The following GON4L variants were observed in gnomAD, a reference collection of about 807,000 sequenced individuals.
GON4L encodes the protein GON-4-like protein.
A neutral mutation model predicts 211.8 loss-of-function variants in GON4L; 87 were observed. That is an observed-to-expected ratio of 0.41 (90% CI 0.35 to 0.49). The LOEUF is 0.49. Ranked by LOEUF, GON4L falls within the 20% of genes least tolerant of loss-of-function variation. GON4L has a pLI of 0.15. For synonymous variants in GON4L, 875 were observed against 962.6 expected, an observed-to-expected ratio of 0.91 and a Z score of 1.68; for missense variants, 2,155 against 2,659.5, an observed-to-expected ratio of 0.81 and a Z score of 4.17.
intron 19 of GON4L, among the ~76,000 whole-genome samples, chr1:155,770,293 G>A (rs1663059982): frequency 6.6e-6 from 1 of 152,170 alleles, no homozygotes; most frequent in Admixed American, 6.5e-5. Flanking sequence ...GGGAGGCCAA[G>A]CTGAGGCAGG....
At chr1:155,809,060 G>A (rs7523409) in intron 10 of GON4L, among the ~76,000 whole-genome samples, 3,904 of 152,024 alleles carry the variant, frequency 0.026, 169 homozygotes, top group African/African-American at 0.087. Context: ...ATACAGGCAT[G>A]CGCCACCACA....
chr1:155,806,817 C>T (rs1022855970), intron 10 of GON4L, among the ~76,000 whole-genome samples: 6 of 151,962 alleles, frequency 3.9e-5, no homozygotes, highest in Non-Finnish European at 7.4e-5. Context: ...AGTATAATAC[C>T]GCTGGCTGAA....
intron 11 of GON4L, among the ~76,000 whole-genome samples, chr1:155,803,972 T>C (rs1001697679): frequency 1.3e-5 from 2 of 152,230 alleles, no homozygotes; most frequent in African/African-American, 4.8e-5. Flanking sequence ...TCCCAAAGTC[T>C]GGTTTCATTT....
chr1:155,781,043 A>G (rs1664366188), intron 14 of GON4L, among the ~76,000 whole-genome samples: 1 of 152,210 alleles, frequency 6.6e-6, no homozygotes, highest in African/African-American at 2.4e-5. Flanking sequence ...GATCACCTGC[A>G]CTACTACCAC....
At chr1:155,772,590 CAA>C (rs796482955) in intron 18 of GON4L, among the ~76,000 whole-genome samples, 10 of 69,780 alleles carry the variant, frequency 1.4e-4, no homozygotes, top group African/African-American at 2.1e-4. Context: ...CTCATCTCTA[CAA>C]AAAAAAAAAA....
chr1:155,773,600 C>A (rs1663445415), intron 17 of GON4L, among the ~76,000 whole-genome samples: 1 of 152,158 alleles, frequency 6.6e-6, no homozygotes, highest in African/African-American at 2.4e-5. Flanking sequence ...GAATAAGATT[C>A]CAACTTCTTT....
At chr1:155,810,245 G>A (rs1192810307) in intron 10 of GON4L, among the ~76,000 whole-genome samples, 1 of 151,032 alleles carries the variant, frequency 6.6e-6, no homozygotes, top group East Asian at 1.9e-4. Flanking sequence ...CCACCCGCCT[G>A]GGCCTCTCAA....
At chr1:155,769,301 A>T (rs931786436) in intron 19 of GON4L, among the ~76,000 whole-genome samples, 14 of 152,148 alleles carry the variant, frequency 9.2e-5, no homozygotes, top group Admixed American at 5.2e-4. Context: ...TTAGAAAAAA[A>T]TTAAAATAAA....
intron 2 of GON4L, among the ~76,000 whole-genome samples, chr1:155,852,687 G>A (rs1272151038): frequency 6.6e-6 from 1 of 152,196 alleles, no homozygotes; most frequent in Non-Finnish European, 1.5e-5. Context: ...AGCTTGCAGT[G>A]AGCCGAGACC....
At chr1:155,857,452 A>G (rs1286227964), upstream of GON4L, among the ~76,000 whole-genome samples, 1 of 152,258 alleles carries the variant, frequency 6.6e-6, no homozygotes. Flanking sequence ...TTTGGGGGCC[A>G]GGCGCGGTGG....
At position 155,765,619 on chromosome 1, in the gene GON4L, T is replaced by C. The variant is rs1662374474; in HGVS notation, c.3854A>G (p.Asn1285Ser). Residue 1285 changes from asparagine (N) to serine (S), a missense_variant, in exon 21 of 32, where the codon AAT (asparagine) becomes AGT (serine). This residue lies in a region of GON4L where 615 missense variants were observed against 625.7 expected (regional missense o/e 0.98). Transcript: ENST00000368331. ...DAECQEGLSE[N>S]SACRWTVVKT... ...CACAACGGTCCAGCGACAGGCACTA[T>C]TCTCTGACAATCCTTCTTGGCACTC... is the stretch of plus-strand genomic sequence containing the variant. 4 of 1,614,178 alleles carry C rather than the reference T, an allele frequency of 2.5e-6. No individual in the cohort carries two copies. The highest frequency in any genetic ancestry group is 3.4e-6 in the Non-Finnish European group (4 of 1,180,024).
chr1:155,777,897 G>T, intron 14 of GON4L, 77 bp from the exon 15 acceptor site: 2 of 868,900 alleles, frequency 2.3e-6, no homozygotes, highest in Non-Finnish European at 1.9e-6. Flanking sequence ...CCAATGATGA[G>T]CAAAGAGCCT....
intron 2 of GON4L, among the ~76,000 whole-genome samples, chr1:155,842,555 AG>A (rs1486248664): frequency 6.9e-6 from 1 of 144,610 alleles, no homozygotes; most frequent in Non-Finnish European, 1.5e-5. Flanking sequence ...AAACTTGGAA[AG>A]GGCCGGGCCA....
At position 155,777,795 on chromosome 1, in the gene GON4L, A is replaced by G. The variant is rs374417581; in HGVS notation, c.1918T>C (p.Leu640=). The part of the protein sequence containing the change: ...LRFEEPLANL[L]NEQHRTVKEL... ...TTCACTGTCCGATGTTGTTCATTTA[A>G]CAGGTTGGCCAGTGGTTCCTCAAAC... Residue 640 remains leucine (L), a synonymous_variant, in exon 15 of 32, where the codon TTA becomes CTA. Coordinates refer to ENST00000368331, the MANE Select transcript of GON4L (RefSeq NM_001282860.2). The G allele has an allele frequency of 7.1e-5, 115 of 1,613,130 alleles. No individual in the cohort carries two copies. The highest frequency in any genetic ancestry group is 9.7e-5 in the Non-Finnish European group (114 of 1,179,306).
At chr1:155,821,223 G>A (rs1038083419) in intron 5 of GON4L, among the ~76,000 whole-genome samples, 1 of 151,876 alleles carries the variant, frequency 6.6e-6, no homozygotes, top group African/African-American at 2.4e-5. Flanking sequence ...CCAAGATCGC[G>A]CCACTGCGCT....
rs1362007720 is a variant in GON4L, at chr1:155,751,883, A to G, written c.6474-14T>C. 8 of 1,593,744 alleles carry G rather than the reference A, an allele frequency of 5.0e-6. No individual in the cohort carries two copies. The highest frequency in any genetic ancestry group is 6.9e-6 in the Non-Finnish European group (8 of 1,161,768). On this transcript the variant is annotated splice_polypyrimidine_tract_variant and intron_variant, in intron 30 of 31. Transcript: ENST00000368331. ...CGGTCAGCTTCCCTGTAACCCAGGT[A>G]TCATGATTAACCCTAGGGAGCCACA...
chr1:155,771,210 C>T lies in GON4L; in HGVS notation c.2503G>A (p.Ala835Thr). 2.5e-6 allele frequency: 4 copies of T among 1,614,106 alleles called. No individual in the cohort carries two copies. Among genetic ancestry groups the T allele is most frequent in the Admixed American group, 1.7e-5 (1 of 60,008 alleles). Reference protein sequence around the residue: ...VFTKAEDNLLALGLKHFEGTE... With the variant: ...VFTKAEDNLLTLGLKHFEGTE... ...CCTTCAAAATGCTTCAGTCCTAAAG[C>T]TAACAAACTGAGAAAGGAGAATAAC... The change falls in exon 19 of 32, where the codon GCT becomes ACT. Residue 835 changes from alanine to threonine, a missense_variant. Physicochemically the swap from Ala to Thr is moderately conservative, Grantham distance 58. Around this residue, in one of 6 missense-constraint regions of GON4L, gnomAD observed 551 missense variants for 854.0 expected, o/e 0.65. Transcript: ENST00000368331.
At chr1:155,825,625 G>A (rs1048407910) in intron 3 of GON4L, among the ~76,000 whole-genome samples, 2 of 151,786 alleles carry the variant, frequency 1.3e-5, no homozygotes, top group Admixed American at 6.6e-5. Context: ...TGCCAGGCAC[G>A]GTGGCTCACA....
intron 10 of GON4L, among the ~76,000 whole-genome samples, chr1:155,811,207 A>C (rs2102157738): frequency 6.6e-6 from 1 of 151,662 alleles, no homozygotes; most frequent in East Asian, 2.0e-4. Context: ...CCTGGCTAAC[A>C]CGGTGAAACC....
Sources: allele counts gnomAD v4.1 joint callset (sites outside exome capture counted in the v4.1 genomes callset), GRCh38; gene constraint gnomAD v4.1.1; regional missense constraint gnomAD v4.1.1; transcripts MANE v1.5; gene names NCBI Gene and HGNC (gene_info 2026-07-23, HGNC 2026-07-21).